Variants in EML4 observed in about 807,000 individuals in gnomAD.
The protein encoded by EML4 is EMAP like 4.
Under a neutral mutation model 129.0 loss-of-function variants are expected in EML4, and 72 were observed. The ratio of observed to expected loss-of-function variants is 0.56; its 90% CI spans 0.46 to 0.68. EML4 has a LOEUF of 0.68. EML4 is among the 30% of genes least tolerant of loss of function. The probability of loss-of-function intolerance (pLI) is 0.00; values close to 1 mark genes in which losing one functional copy is unlikely to be tolerated. For synonymous variants in EML4, 532 were observed against 405.0 expected (o/e 1.31, Z -3.77); for missense variants, 1,363 against 1,190.6 (o/e 1.14, Z -2.13).
At chr2:42,171,429 T>C (rs78698387) in intron 1 of EML4, among the ~76,000 whole-genome samples, 2,149 of 152,350 alleles carry the variant, frequency 0.014, 57 homozygotes, top group African/African-American at 0.049. Flanking sequence ...GAGGAGTCTT[T>C]CTCACCAGTT....
chr2:42,321,404 C>T (rs1446255588), intron 19 of EML4, among the ~76,000 whole-genome samples: 3 of 151,862 alleles, frequency 2.0e-5, no homozygotes, highest in Non-Finnish European at 2.9e-5. Context: ...AAAAGTAGTA[C>T]CTATTCACTT....
At chr2:42,202,375 T>C (rs1572533700) in intron 1 of EML4, among the ~76,000 whole-genome samples, 1 of 151,872 alleles carries the variant, frequency 6.6e-6, no homozygotes, top group Middle Eastern at 3.4e-3. Flanking sequence ...GTTCTCTAGA[T>C]AGAAGGATTG....
At chr2:42,252,036 T>C (rs1289959941) in intron 2 of EML4, among the ~76,000 whole-genome samples, 4 of 152,188 alleles carry the variant, frequency 2.6e-5, no homozygotes, top group Non-Finnish European at 5.9e-5. Context: ...AAACAGGAAG[T>C]TGTGATAAAA....
chr2:42,218,523 G>A (rs1308573698), intron 1 of EML4, among the ~76,000 whole-genome samples: 1 of 152,062 alleles, frequency 6.6e-6, no homozygotes, highest in East Asian at 1.9e-4. Context: ...TGCTGCCCTA[G>A]AGTATTCCAG....
At chr2:42,310,586 T>G (rs1668884894) in intron 17 of EML4, among the ~76,000 whole-genome samples, 1 of 152,200 alleles carries the variant, frequency 6.6e-6, no homozygotes, top group Admixed American at 6.5e-5. Flanking sequence ...CCTCAAGTGA[T>G]CTGCTTGTCT....
rs137898883 is a variant in EML4 at position 42,288,270 on chromosome 2, A to G, written c.1166A>G (p.His389Arg). 1.0e-5 allele frequency: 16 copies of G among 1,576,912 alleles called. No homozygotes were observed. The highest frequency in any genetic ancestry group is 1.3e-5 in the Non-Finnish European group (15 of 1,151,238). The stretch of plus-strand genomic sequence containing the variant: ...TGTATTATTGATGACTCCAATGAGC[A>G]TATGCTTACTGTATGGGACTGGCAG... ...HLCIIDDSNEHMLTVWDWQKK... is the reference protein window; with the variant it reads ...HLCIIDDSNERMLTVWDWQKK... The change falls in exon 11 of 23, where the codon CAT (histidine) becomes CGT (arginine). Residue 389 changes from histidine (H) to arginine (R), a missense_variant. His to Arg is a conservative substitution (Grantham distance 29). Transcript: ENST00000318522.
chr2:42,276,656 T>C (rs982051347), intron 6 of EML4, among the ~76,000 whole-genome samples: 1 of 152,240 alleles, frequency 6.6e-6, no homozygotes, highest in African/African-American at 2.4e-5. Flanking sequence ...TATTATGCTT[T>C]ACAGTGTGAT....
In EML4 at chr2:42,330,121, T is replaced by C. The variant is rs1670026282; in HGVS notation, c.2860T>C (p.Tyr954His). The change falls in exon 23 of 23, where the codon TAT becomes CAT. Residue 954 changes from tyrosine (Y) to histidine (H), a missense_variant. Physicochemically the swap from Tyr to His is moderately conservative, Grantham distance 83 (BLOSUM62 2). Transcript: ENST00000318522. ...EGSGDLGEPL[Y>H]EEPCNEISKE... The stretch of plus-strand genomic sequence containing the variant: ...CAGCGGAGACCTTGGTGAGCCTCTT[T>C]ATGAAGAGCCATGCAACGAGATAAG... The C allele has an allele frequency of 1.9e-6, 3 of 1,612,158 alleles. No homozygotes were observed. Among genetic ancestry groups the C allele is most frequent in the African/African-American group, 2.7e-5 (2 of 74,188 alleles).
Position 42,331,583 on chromosome 2 carries a change from C to A in EML4, c.*1376C>A. ...ATACTTTCTATTTTTTTGGTCAAATCATGTTTAGAAACTTTGGATGAGTTA... is the reference window on the plus strand; with the variant it reads ...ATACTTTCTATTTTTTTGGTCAAATAATGTTTAGAAACTTTGGATGAGTTA... On this transcript the variant is annotated 3_prime_UTR_variant, in exon 23 of 23. Transcript: ENST00000318522. The A allele has an allele frequency of 4.5e-6, 1 of 223,870 alleles. No homozygotes were observed. Among genetic ancestry groups the A allele is most frequent in the South Asian group, 1.8e-4 (1 of 5,448 alleles). 13.9% of individuals were successfully genotyped at this position (223,870 alleles called of 1,614,324 possible).
chr2:42,186,091 C>A (rs1671234586), intron 1 of EML4, among the ~76,000 whole-genome samples: 1 of 152,050 alleles, frequency 6.6e-6, no homozygotes, highest in Non-Finnish European at 1.5e-5. Context: ...TTTAAAAAGT[C>A]TATGCTTTTT....
rs1386925187 is a variant in EML4, at chr2:42,330,513, C to G, written c.*306C>G. ...ATACTGGAAACAAAAACAGCAGTTG[C>G]ATTGATTTTGAAAACAAACCCCCTT... is the stretch of plus-strand genomic sequence containing the variant. On this transcript the variant is annotated 3_prime_UTR_variant, in exon 23 of 23. Coordinates refer to ENST00000318522, the MANE Select transcript of EML4 (RefSeq NM_019063.5). The G allele has an allele frequency of 6.2e-6, 3 of 481,646 alleles. No homozygotes were observed. Among genetic ancestry groups the G allele is most frequent in the Non-Finnish European group, 7.6e-6 (2 of 262,692 alleles). The allele number at this position is 481,646 out of a possible 1,614,324, so 29.8% of individuals were successfully genotyped here.
intron 6 of EML4, among the ~76,000 whole-genome samples, chr2:42,266,076 A>G (rs1666048071): frequency 6.6e-6 from 1 of 152,214 alleles, no homozygotes; most frequent in Admixed American, 6.5e-5. Context: ...ACCAGCTGCA[A>G]CGTGGTTAAA....
At chr2:42,288,404 ACTAT>A in intron 11 of EML4, 82 bp downstream of exon 11, 2 of 656,498 alleles carry the variant, frequency 3.0e-6, no homozygotes, top group South Asian at 4.3e-5. Flanking sequence ...TGGTATTAGA[ACTAT>A]CTATTCGTAA....
Position 42,169,478 on chromosome 2 carries a change from C to T in EML4, c.-134C>T, listed in dbSNP as rs1670118947. ...TACCCCAGGGCGAACGGACGGACGACGGAGGCGGGAGCCGGTAGCCGAGCC... is the reference window on the plus strand; with the variant it reads ...TACCCCAGGGCGAACGGACGGACGATGGAGGCGGGAGCCGGTAGCCGAGCC... On this transcript the variant is annotated 5_prime_UTR_variant, in exon 1 of 23. The change creates a new upstream start codon in the 5' untranslated region. Transcript: ENST00000318522. 2 of 1,046,402 alleles carry T rather than the reference C, an allele frequency of 1.9e-6. No homozygotes were observed. The highest frequency in any genetic ancestry group is 5.5e-5 in the Admixed American group (2 of 36,544). The allele number at this position is 1,046,402 out of a possible 1,614,324, so 64.8% of individuals were successfully genotyped here. A position where few individuals can be genotyped will look rare whatever the true frequency, so the allele number is the denominator to read the frequency against.
chr2:42,180,703 C>T (rs1395936650), intron 1 of EML4, among the ~76,000 whole-genome samples: 2 of 152,226 alleles, frequency 1.3e-5, no homozygotes, highest in Non-Finnish European at 2.9e-5. Context: ...TTCTCCTACA[C>T]AACCATATTA....
chr2:42,231,260 A>G (rs1032389959), intron 1 of EML4, among the ~76,000 whole-genome samples: 2 of 152,214 alleles, frequency 1.3e-5, no homozygotes, highest in Non-Finnish European at 2.9e-5. Flanking sequence ...ACCTATGACT[A>G]GCTTTCTGAC....
chr2:42,317,471 C>T lies in EML4; in HGVS notation c.2101C>T (p.Leu701Phe), dbSNP rs1421576131. 2.5e-6 allele frequency: 4 copies of T among 1,612,692 alleles called. No individual in the cohort carries two copies. The highest frequency in any genetic ancestry group is 3.3e-4 in the Middle Eastern group (2 of 6,050). ...AGGATCTCATGACAACTTTATTTAC[C>T]TCTATGTAGTCTCTGAAAATGGAAG... is the stretch of plus-strand genomic sequence containing the variant. ...AVGSHDNFIY[L>F]YVVSENGRKY... The change falls in exon 19 of 23, where the codon CTC becomes TTC. Residue 701 changes from leucine (L) to phenylalanine (F), a missense_variant. Coordinates refer to ENST00000318522, the MANE Select transcript of EML4 (RefSeq NM_019063.5).
At chr2:42,222,902 C>T (rs867153166) in intron 1 of EML4, among the ~76,000 whole-genome samples, 2 of 152,084 alleles carry the variant, frequency 1.3e-5, no homozygotes, top group South Asian at 4.1e-4. Flanking sequence ...GGGTTCACGC[C>T]ATTCTCCTGC....
chr2:42,241,874 C>T (rs571058078), intron 1 of EML4, among the ~76,000 whole-genome samples: 199 of 144,964 alleles, frequency 1.4e-3, no homozygotes, highest in Middle Eastern at 3.5e-3. Context: ...GTGTGTGTGT[C>T]GGGGGGGGGA....
Sources: allele counts gnomAD v4.1 joint callset (sites outside exome capture counted in the v4.1 genomes callset), GRCh38; gene constraint gnomAD v4.1.1; transcripts MANE v1.5; gene names NCBI Gene and HGNC (gene_info 2026-07-23, HGNC 2026-07-21).